The following GRIN3A variants were observed in gnomAD, a reference collection of about 807,000 sequenced individuals.
GRIN3A encodes glutamate receptor ionotropic, NMDA 3A.
A neutral mutation model predicts 92.4 loss-of-function variants in GRIN3A; 47 were observed. That is an observed-to-expected ratio of 0.51 (90% CI 0.40 to 0.65). The LOEUF is 0.65. Ranked by LOEUF, GRIN3A falls within the 30% of genes least tolerant of loss-of-function variation. GRIN3A has a pLI of 0.00. For synonymous variants in GRIN3A, 527 were observed against 540.6 expected (o/e 0.97, Z 0.35); for missense variants, 1,324 against 1,393.1 (o/e 0.95, Z 0.79).
intron 3 of GRIN3A, among the ~76,000 whole-genome samples, chr9:101,657,088 A>G (rs1829099768): frequency 6.6e-6 from 1 of 151,878 alleles, no homozygotes; most frequent in Non-Finnish European, 1.5e-5. Flanking sequence ...TTGAAATGTA[A>G]GCAGTATATG....
chr9:101,654,257 A>T (rs572805533), intron 3 of GRIN3A, among the ~76,000 whole-genome samples: 1 of 149,660 alleles, frequency 6.7e-6, no homozygotes, highest in South Asian at 2.1e-4. Flanking sequence ...TATCATTACA[A>T]ATTCTGCTCT....
intron 1 of GRIN3A, among the ~76,000 whole-genome samples, chr9:101,706,806 T>G (rs1368683993): frequency 6.6e-6 from 1 of 152,158 alleles, no homozygotes; most frequent in Non-Finnish European, 1.5e-5. Flanking sequence ...ACCCCAGCCC[T>G]TACCTAAAAA....
At chr9:101,735,684 T>A (rs1052973703) in intron 1 of GRIN3A, among the ~76,000 whole-genome samples, 2 of 152,034 alleles carry the variant, frequency 1.3e-5, no homozygotes, top group African/African-American at 2.4e-5. Context: ...TGATGCTGAC[T>A]CCTGCATTTT....
intron 1 of GRIN3A, among the ~76,000 whole-genome samples, chr9:101,720,098 C>G (rs984217220): frequency 6.6e-6 from 1 of 152,090 alleles, no homozygotes; most frequent in Admixed American, 6.5e-5. Flanking sequence ...CTGCTGCTGA[C>G]CATTTAGAAG....
chr9:101,595,382 C>A (rs73659534), intron 6 of GRIN3A, among the ~76,000 whole-genome samples: 4,388 of 151,662 alleles, frequency 0.029, 182 homozygotes, highest in African/African-American at 0.1. Context: ...GTGTTATTCG[C>A]TGCAGTATCC....
chr9:101,595,285 C>A (rs917380247), intron 6 of GRIN3A, among the ~76,000 whole-genome samples: 1 of 151,522 alleles, frequency 6.6e-6, no homozygotes, highest in Non-Finnish European at 1.5e-5. Context: ...ATGATAACCC[C>A]AATTTCCCTG....
intron 4 of GRIN3A, 124 bp downstream of exon 4, chr9:101,628,132 A>G: frequency 9.4e-6 from 8 of 854,208 alleles, no homozygotes; most frequent in Non-Finnish European, 1.3e-5. Context: ...AGTGTAAAGT[A>G]TTACTTAACA....
intron 3 of GRIN3A, among the ~76,000 whole-genome samples, chr9:101,665,923 T>C (rs993423115): frequency 2.0e-5 from 3 of 152,090 alleles, no homozygotes; most frequent in African/African-American, 7.2e-5. Flanking sequence ...CTAATTCTCA[T>C]GGTTTGTTCT....
chr9:101,673,204 T>C (rs541334975), intron 2 of GRIN3A, among the ~76,000 whole-genome samples: 1 of 152,238 alleles, frequency 6.6e-6, no homozygotes, highest in South Asian at 2.1e-4. Context: ...ACCAAATATA[T>C]GCTTAAACCA....
chr9:101,651,469 C>T (rs1829014167), intron 3 of GRIN3A, among the ~76,000 whole-genome samples: 1 of 151,914 alleles, frequency 6.6e-6, no homozygotes, highest in Non-Finnish European at 1.5e-5. Flanking sequence ...CTCTGGTGAA[C>T]ACATTGCTTT....
At chr9:101,668,596 T>C (rs1383015916) in intron 3 of GRIN3A, among the ~76,000 whole-genome samples, 1 of 152,126 alleles carries the variant, frequency 6.6e-6, no homozygotes, top group African/African-American at 2.4e-5. Flanking sequence ...CATTTATTTA[T>C]GCTAATGATT....
intron 5 of GRIN3A, among the ~76,000 whole-genome samples, chr9:101,622,429 T>G (rs571746422): frequency 6.6e-6 from 1 of 152,240 alleles, no homozygotes; most frequent in South Asian, 2.1e-4. Context: ...GAAGTGAAAT[T>G]TGCTGGTTCA....
rs1479270241 is a variant in GRIN3A, at chr9:101,579,272, T to G, written c.2855A>C (p.Glu952Ala). The change falls in exon 7 of 9, where the codon GAG (glutamate) becomes GCG (alanine). Residue 952 changes from glutamate to alanine, a missense_variant. Glu to Ala is a moderately radical substitution (Grantham distance 107, BLOSUM62 -1). Transcript: ENST00000361820. ...FGLSILTTIG[E>A]HIVYRLLLPR... ...TAGCAGCAGCCTGTATACTATGTGC[T>G]CACCAATGGTGGTCAAAATGGACAG... The G allele has an allele frequency of 6.2e-7, 1 of 1,613,996 alleles. No homozygotes were observed. Among genetic ancestry groups the G allele is most frequent in the South Asian group, 1.1e-5 (1 of 91,080 alleles).
At chr9:101,609,086 C>T (rs186044186) in intron 6 of GRIN3A, among the ~76,000 whole-genome samples, 14 of 152,294 alleles carry the variant, frequency 9.2e-5, no homozygotes, top group East Asian at 7.7e-4. Context: ...CTTCACGCTT[C>T]GTGATTTGAC....
intron 6 of GRIN3A, among the ~76,000 whole-genome samples, chr9:101,596,845 GT>G (rs1395787283): frequency 6.6e-6 from 1 of 152,216 alleles, no homozygotes; most frequent in Non-Finnish European, 1.5e-5. Context: ...ATCCCACTGG[GT>G]TTAAGGAAAT....
intron 2 of GRIN3A, among the ~76,000 whole-genome samples, chr9:101,678,280 T>C (rs535680789): frequency 6.6e-6 from 1 of 152,286 alleles, no homozygotes; most frequent in South Asian, 2.1e-4. Context: ...CATTTGTAAT[T>C]TGCAAATTGT....
chr9:101,709,073 C>A (rs1829845045), intron 1 of GRIN3A, among the ~76,000 whole-genome samples: 1 of 152,086 alleles, frequency 6.6e-6, no homozygotes, highest in African/African-American at 2.4e-5. Context: ...ATTTTCCTAG[C>A]CATAACCTGT....
At chr9:101,653,627 C>T (rs949347299) in intron 3 of GRIN3A, among the ~76,000 whole-genome samples, 1 of 151,808 alleles carries the variant, frequency 6.6e-6, no homozygotes, top group Non-Finnish European at 1.5e-5. Flanking sequence ...AAACCAAAAA[C>T]CATTTTTTCC....
chr9:101,734,841 C>T (rs530863880), intron 1 of GRIN3A, among the ~76,000 whole-genome samples: 1 of 152,054 alleles, frequency 6.6e-6, no homozygotes, highest in Admixed American at 6.5e-5. Flanking sequence ...CTTCTCGAAT[C>T]CTTTATTCAG....
Sources: allele counts gnomAD v4.1 joint callset (sites outside exome capture counted in the v4.1 genomes callset), GRCh38; gene constraint gnomAD v4.1.1; transcripts MANE v1.5; gene names NCBI Gene and HGNC (gene_info 2026-07-23, HGNC 2026-07-21).